NBEA: variants seen among roughly 807,000 people sequenced by gnomAD.
The protein encoded by NBEA is lysosomal-trafficking regulator 2.
A neutral mutation model predicts 343.4 loss-of-function variants in NBEA; 44 were observed. The ratio of observed to expected loss-of-function variants is 0.13; its 90% CI spans 0.10 to 0.16. The LOEUF is 0.16. Among genes scored for constraint, NBEA ranks in the 10% least tolerant of loss-of-function variants. The pLI is 1.00. For synonymous variants in NBEA, 1,175 were observed against 1,238.7 expected, an observed-to-expected ratio of 0.95 and a Z score of 1.08; for missense variants, 2,555 against 3,631.3, an observed-to-expected ratio of 0.70 and a Z score of 7.62.
At chr13:35,641,499 T>A (rs1007003494) in intron 49 of NBEA, among the ~76,000 whole-genome samples, 9 of 151,946 alleles carry the variant, frequency 5.9e-5, no homozygotes, top group African/African-American at 1.9e-4. Flanking sequence ...AAAAGAAAAA[T>A]GAACAAACTA....
intron 34 of NBEA, among the ~76,000 whole-genome samples, chr13:35,275,338 A>T (rs946235849): frequency 2.0e-5 from 3 of 152,220 alleles, no homozygotes; most frequent in Non-Finnish European, 4.4e-5. Flanking sequence ...CTTACACCTT[A>T]TATCTAAATT....
chr13:35,509,895 A>C (rs2152985916), intron 41 of NBEA, among the ~76,000 whole-genome samples: 1 of 152,304 alleles, frequency 6.6e-6, no homozygotes, highest in South Asian at 2.1e-4. Flanking sequence ...TCAAGGGCTT[A>C]AGGATATTAA....
intron 48 of NBEA, among the ~76,000 whole-genome samples, chr13:35,607,621 C>A (rs926967746): frequency 1.3e-5 from 2 of 152,072 alleles, no homozygotes; most frequent in Non-Finnish European, 2.9e-5. Context: ...TTTGTTTTTA[C>A]AGCTTATTTA....
At chr13:35,241,533 G>A (rs1287199424) in intron 34 of NBEA, among the ~76,000 whole-genome samples, 1 of 151,740 alleles carries the variant, frequency 6.6e-6, no homozygotes, top group African/African-American at 2.4e-5. Context: ...AGCGTAAAGT[G>A]TAGAGGGTAA....
chr13:35,515,000 A>G (rs2077429057), intron 41 of NBEA, among the ~76,000 whole-genome samples: 1 of 152,212 alleles, frequency 6.6e-6, no homozygotes, highest in Non-Finnish European at 1.5e-5. Flanking sequence ...CCAGATTCCA[A>G]ACGCATCCTG....
intron 39 of NBEA, among the ~76,000 whole-genome samples, chr13:35,444,143 A>G (rs2152939205): frequency 6.6e-6 from 1 of 152,104 alleles, no homozygotes; most frequent in South Asian, 2.1e-4. Flanking sequence ...CAGTATAAGA[A>G]AAAGCATTCT....
At chr13:35,415,691 G>C (rs2043864593) in intron 38 of NBEA, among the ~76,000 whole-genome samples, 1 of 152,002 alleles carries the variant, frequency 6.6e-6, no homozygotes, top group Admixed American at 6.6e-5. Context: ...TTGTTCTTTT[G>C]GCTTAGGATT....
chr13:35,246,638 A>G (rs537075079), intron 34 of NBEA, among the ~76,000 whole-genome samples: 1 of 152,218 alleles, frequency 6.6e-6, no homozygotes, highest in South Asian at 2.1e-4. Context: ...CATGTGAACC[A>G]TCTTCAGTTC....
Position 35,309,513 on chromosome 13 carries a change from G to A in NBEA, c.5839-15G>A. ...TGTTCACTTTTCTCACGTTTGTTTT[G>A]GTTTCTCCTTTTAGGAATGGCAAAA... On this transcript the variant is annotated splice_polypyrimidine_tract_variant and intron_variant, in intron 35 of 58. Transcript: ENST00000379939. The A allele has an allele frequency of 6.4e-7, 1 of 1,551,826 alleles. No homozygotes were observed. The highest frequency in any genetic ancestry group is 8.8e-7 in the Non-Finnish European group (1 of 1,140,454).
intron 16 of NBEA, among the ~76,000 whole-genome samples, chr13:35,121,917 A>T (rs1461870017): frequency 6.6e-6 from 1 of 152,182 alleles, no homozygotes; most frequent in East Asian, 1.9e-4. Context: ...TAATAAAATA[A>T]AGCACACTAT....
chr13:35,219,902 A>C (rs1367729526), intron 33 of NBEA, among the ~76,000 whole-genome samples: 1 of 152,142 alleles, frequency 6.6e-6, no homozygotes, highest in Non-Finnish European at 1.5e-5. Context: ...CAGTCTACCT[A>C]TTCAAATGTT....
intron 34 of NBEA, chr13:35,251,701 C>A: frequency 2.5e-6 from 1 of 396,310 alleles, no homozygotes; most frequent in Non-Finnish European, 4.0e-6. Flanking sequence ...TCCAGAGCAA[C>A]TCACTGGTGC....
intron 38 of NBEA, among the ~76,000 whole-genome samples, chr13:35,400,064 T>A (rs1030495567): frequency 2.6e-5 from 4 of 151,838 alleles, no homozygotes; most frequent in Non-Finnish European, 5.9e-5. Context: ...CCATAACATA[T>A]AATAAGAATG....
intron 37 of NBEA, among the ~76,000 whole-genome samples, chr13:35,351,024 A>C (rs1210307139): frequency 6.6e-6 from 1 of 152,004 alleles, no homozygotes; most frequent in African/African-American, 2.4e-5. Context: ...TTACTGAGGC[A>C]GATCGTTGTA....
Position 35,070,801 on chromosome 13 carries a change from C to T in NBEA, c.1520C>T (p.Ala507Val). The T allele has an allele frequency of 6.2e-7, 1 of 1,609,902 alleles. No homozygotes were observed. The highest frequency in any genetic ancestry group is 8.5e-7 in the Non-Finnish European group (1 of 1,178,568). Reference protein sequence around the residue: ...GGIQVLFPLFAQLDNRQLNDS... With the variant: ...GGIQVLFPLFVQLDNRQLNDS... ...ATTCAAGTGCTTTTTCCACTTTTTGCCCAATTGGATAATAGGCAGCTCAAT... is the reference window on the plus strand; with the variant it reads ...ATTCAAGTGCTTTTTCCACTTTTTGTCCAATTGGATAATAGGCAGCTCAAT... The change falls in exon 10 of 59, where the codon GCC becomes GTC. Residue 507 changes from alanine to valine, a missense_variant. Coordinates refer to ENST00000379939, the MANE Select transcript of NBEA (RefSeq NM_001385012.1).
intron 31 of NBEA, among the ~76,000 whole-genome samples, chr13:35,198,078 CT>C (rs1454111806): frequency 2.0e-5 from 3 of 151,918 alleles, no homozygotes; most frequent in African/African-American, 7.2e-5. Context: ...AAATATTTTT[CT>C]TTTTTTGGTA....
intron 34 of NBEA, among the ~76,000 whole-genome samples, chr13:35,238,407 C>G (rs146170806): frequency 6.0e-4 from 91 of 152,344 alleles, no homozygotes; most frequent in African/African-American, 2.0e-3. Context: ...CTTTTATTCT[C>G]TCTGTGTATC....
chr13:35,244,596 G>C (rs1183932835), intron 34 of NBEA, among the ~76,000 whole-genome samples: 2 of 151,952 alleles, frequency 1.3e-5, no homozygotes, highest in Non-Finnish European at 2.9e-5. Context: ...TGGCTATGTG[G>C]GCTCTTTTTT....
At chr13:35,648,392 T>C (rs1025536104) in intron 51 of NBEA, among the ~76,000 whole-genome samples, 1 of 151,982 alleles carries the variant, frequency 6.6e-6, no homozygotes, top group African/African-American at 2.4e-5. Context: ...AGCCTCACCG[T>C]TTTTAATAAA....
Sources: allele counts gnomAD v4.1 joint callset (sites outside exome capture counted in the v4.1 genomes callset), GRCh38; gene constraint gnomAD v4.1.1; transcripts MANE v1.5; gene names NCBI Gene and HGNC (gene_info 2026-07-23, HGNC 2026-07-21).